PELI1: variants seen among roughly 807,000 people sequenced by gnomAD.
PELI1 encodes pellino E3 ubiquitin protein ligase 1.
A neutral mutation model predicts 41.3 loss-of-function variants in PELI1; 15 were observed. The ratio of observed to expected loss-of-function variants is 0.36; its 90% CI spans 0.24 to 0.56. The LOEUF is 0.56. Among genes scored for constraint, PELI1 ranks in the 20% least tolerant of loss-of-function variants. PELI1 has a pLI of 0.82. For synonymous variants in PELI1, 178 were observed against 180.1 expected (o/e 0.99, Z 0.09); for missense variants, 403 against 525.5 (o/e 0.77, Z 2.28).
chr2:64,096,021 T>C, intron 6 of PELI1, 104 bp downstream of exon 6: 1 of 768,182 alleles, frequency 1.3e-6, no homozygotes, highest in East Asian at 2.5e-5. Flanking sequence ...TATTCTGTGT[T>C]GGCAATAGAT....
chr2:64,136,205 T>C (rs182987522), intron 1 of PELI1, among the ~76,000 whole-genome samples: 3 of 152,322 alleles, frequency 2.0e-5, no homozygotes, highest in Admixed American at 2.0e-4. Flanking sequence ...TTTTTTTTTT[T>C]AGATGAATCA....
At chr2:64,096,684 TA>T in intron 4 of PELI1, 74 bp from the exon 5 acceptor site, 4 of 952,548 alleles carry the variant, frequency 4.2e-6, no homozygotes, top group Non-Finnish European at 6.5e-6. Flanking sequence ...AAGGGCACAA[TA>T]AGGAGAGAAC....
intron 2 of PELI1, among the ~76,000 whole-genome samples, chr2:64,107,287 T>C (rs535050301): frequency 4.9e-4 from 74 of 152,314 alleles, no homozygotes; most frequent in African/African-American, 1.7e-3. Context: ...GCTAATACTG[T>C]GTCTCCATTT....
intron 1 of PELI1, among the ~76,000 whole-genome samples, chr2:64,120,545 A>G (rs756329534): frequency 2.6e-5 from 4 of 152,256 alleles, no homozygotes; most frequent in African/African-American, 7.2e-5. Context: ...TAGTAGCCCT[A>G]AAGTGTTCAA....
At chr2:64,121,184 C>T (rs760346224) in intron 1 of PELI1, among the ~76,000 whole-genome samples, 1 of 152,182 alleles carries the variant, frequency 6.6e-6, no homozygotes, top group Non-Finnish European at 1.5e-5. Context: ...ATGATCGGGG[C>T]ATATTCTAGG....
At chr2:64,115,726 T>C (rs891263610) in intron 1 of PELI1, among the ~76,000 whole-genome samples, 3 of 152,198 alleles carry the variant, frequency 2.0e-5, no homozygotes, top group Admixed American at 6.5e-5. Flanking sequence ...TCTAATGTCA[T>C]TACTCCACAC....
At chr2:64,112,553 A>C (rs146726682) in intron 1 of PELI1, among the ~76,000 whole-genome samples, 1 of 152,292 alleles carries the variant, frequency 6.6e-6, no homozygotes, top group East Asian at 1.9e-4. Flanking sequence ...CCAATCAGAC[A>C]TATTCTTACT....
At chr2:64,131,757 A>C (rs767631574) in intron 1 of PELI1, among the ~76,000 whole-genome samples, 26 of 152,104 alleles carry the variant, frequency 1.7e-4, no homozygotes, top group Non-Finnish European at 2.8e-4. Flanking sequence ...AGTAGCTCAG[A>C]TTACAGGCAC....
In PELI1 at chr2:64,114,487, T is replaced by C. The variant is rs1409266647; in HGVS notation, c.-69-6108A>G. On this transcript the variant is annotated intron_variant, in intron 1 of 6. Transcript: ENST00000358912. ...GTCTTTTAGCTTCTCAACACAGCAG[T>C]GGAGGAAGTGAAGTCTATGTTCCCC... is the stretch of plus-strand genomic sequence containing the variant. 3.3e-5 allele frequency among the ~76,000 whole-genome samples: 5 copies of C among 152,324 alleles called. 1 individual carries two copies. Among genetic ancestry groups the C allele is most frequent in the South Asian group, 4.1e-4 (2 of 4,826 alleles).
intron 1 of PELI1, among the ~76,000 whole-genome samples, chr2:64,123,871 C>T (rs994681390): frequency 9.2e-5 from 14 of 152,116 alleles, no homozygotes; most frequent in African/African-American, 3.4e-4. Context: ...TTCATAATAG[C>T]CCCAAAGTAG....
intron 1 of PELI1, among the ~76,000 whole-genome samples, chr2:64,127,858 CTT>C (rs1171052769): frequency 6.6e-6 from 1 of 152,126 alleles, no homozygotes; most frequent in African/African-American, 2.4e-5. Flanking sequence ...ACAGGACTAT[CTT>C]TTTTCCTTTT....
intron 3 of PELI1, among the ~76,000 whole-genome samples, chr2:64,103,032 G>A (rs535116221): frequency 1.3e-5 from 2 of 151,882 alleles, no homozygotes; most frequent in Admixed American, 6.6e-5. Context: ...TGGTGGAGAT[G>A]GAGTTTCACC....
At chr2:64,109,949 T>C (rs933997719) in intron 1 of PELI1, among the ~76,000 whole-genome samples, 4 of 151,514 alleles carry the variant, frequency 2.6e-5, no homozygotes, top group Admixed American at 2.6e-4. Flanking sequence ...AGAGTAAAGC[T>C]GAAAAAATAA....
At chr2:64,096,048 A>T in intron 6 of PELI1, 77 bp downstream of exon 6, 4 of 969,960 alleles carry the variant, frequency 4.1e-6, no homozygotes, top group Non-Finnish European at 6.3e-6. Flanking sequence ...GTTTTCTGGA[A>T]TGTATGTAAT....
chr2:64,120,262 G>A (rs1344223091), intron 1 of PELI1, among the ~76,000 whole-genome samples: 3 of 152,138 alleles, frequency 2.0e-5, no homozygotes, highest in Admixed American at 6.5e-5. Context: ...AGTACTGCCT[G>A]CTACTCCAAA....
intron 1 of PELI1, among the ~76,000 whole-genome samples, chr2:64,121,140 A>T: frequency 6.6e-6 from 1 of 152,202 alleles, no homozygotes; most frequent in East Asian, 1.9e-4. Flanking sequence ...TCCAATGTTG[A>T]TACCTGTTCA....
chr2:64,110,379 T>C (rs140313525), intron 1 of PELI1, among the ~76,000 whole-genome samples: 138 of 151,714 alleles, frequency 9.1e-4, no homozygotes, highest in African/African-American at 3.1e-3. Flanking sequence ...GATAGTGGCA[T>C]AGTATTTTTC....
At chr2:64,140,812 A>AAAAAAAAAAC (rs1558490191) in intron 1 of PELI1, among the ~76,000 whole-genome samples, 1 of 148,452 alleles carries the variant, frequency 6.7e-6, no homozygotes, top group African/African-American at 2.5e-5. Context: ...AACAAACAAA[A>AAAAAAAAAAC]AAAAACCTAG....
intron 1 of PELI1, among the ~76,000 whole-genome samples, chr2:64,108,778 C>T (rs1038321366): frequency 6.6e-6 from 1 of 152,084 alleles, no homozygotes; most frequent in African/African-American, 2.4e-5. Flanking sequence ...CTAATATATC[C>T]CAGACTTGGA....
Sources: allele counts gnomAD v4.1 joint callset (sites outside exome capture counted in the v4.1 genomes callset), GRCh38; gene constraint gnomAD v4.1.1; transcripts MANE v1.5; gene names NCBI Gene and HGNC (gene_info 2026-07-23, HGNC 2026-07-21).